Variants in SCN7A observed in about 807,000 individuals in gnomAD.
SCN7A encodes sodium voltage-gated channel alpha subunit 7.
A neutral mutation model predicts 155.2 loss-of-function variants in SCN7A; 138 were observed. That is an observed-to-expected ratio of 0.89 (90% CI 0.77 to 1.02). The LOEUF (loss-of-function observed/expected upper bound fraction) is 1.02, where lower values mean the gene tolerates loss of function less well. Ranked by LOEUF, SCN7A falls within the 50% of genes least tolerant of loss-of-function variation. The probability of loss-of-function intolerance (pLI) is 0.00; values close to 1 mark genes in which losing one functional copy is unlikely to be tolerated. For synonymous variants in SCN7A, 693 were observed against 649.0 expected, an observed-to-expected ratio of 1.07 and a Z score of -1.03; for missense variants, 2,058 against 1,986.6, an observed-to-expected ratio of 1.04 and a Z score of -0.68.
intron 19 of SCN7A, among the ~76,000 whole-genome samples, chr2:166,421,681 AAAT>A (rs1230324830): frequency 2.0e-5 from 3 of 152,168 alleles, no homozygotes; most frequent in East Asian, 1.9e-4. Flanking sequence ...CATTAAAACA[AAAT>A]AAGAAATATA....
Position 166,487,511 on chromosome 2 carries a change from G to T in SCN7A, c.-127-543C>A, listed in dbSNP as rs1032583963. ...GTGGAGAGAGATTCTCCACCTGTAG[G>T]AGATGACTGCCCAGGCCAGTCACAG... On this transcript the variant is annotated intron_variant, in intron 1 of 25. Coordinates refer to ENST00000643258, the MANE Select transcript of SCN7A (RefSeq NM_002976.4). 2.0e-5 allele frequency among the ~76,000 whole-genome samples: 3 copies of T among 152,244 alleles called. 1 individual carries two copies. The East Asian group carries it at 5.8e-4, about 29-fold the overall frequency.
intron 11 of SCN7A, among the ~76,000 whole-genome samples, chr2:166,455,682 C>T (rs1309560327): frequency 6.6e-6 from 1 of 151,956 alleles, no homozygotes; most frequent in Non-Finnish European, 1.5e-5. Flanking sequence ...CACATGTAGC[C>T]CCTGAATCTA....
chr2:166,431,215 C>T (rs1044374898), intron 16 of SCN7A, among the ~76,000 whole-genome samples: 4 of 151,968 alleles, frequency 2.6e-5, no homozygotes, highest in Non-Finnish European at 5.9e-5. Flanking sequence ...GAATTTATGC[C>T]TGTTTTATAG....
chr2:166,470,906 T>C (rs900642103), intron 6 of SCN7A, among the ~76,000 whole-genome samples, 200 bp from the exon 7 acceptor site: 2 of 151,736 alleles, frequency 1.3e-5, no homozygotes, highest in African/African-American at 2.4e-5. Context: ...AGGTAAATAT[T>C]AATCTATATT....
Position 166,412,666 on chromosome 2 carries a change from A to G in SCN7A, c.3470T>C (p.Val1157Ala). 1 of 1,489,744 alleles carries G rather than the reference A, an allele frequency of 6.7e-7. No individual in the cohort carries two copies. Among genetic ancestry groups the G allele is most frequent in the Non-Finnish European group, 8.9e-7 (1 of 1,126,832 alleles). 92.3% of individuals were successfully genotyped at this position (1,489,744 alleles called of 1,614,324 possible). ...IMNSAIDSVA[V>A]NIQPHFEVNI... The stretch of plus-strand genomic sequence containing the variant: ...GACTTCAAAATGAGGCTGTATATTA[A>G]CCTAGAAGTTTAAAATAAGCAAATT... The change falls in exon 23 of 26, where the codon GTT becomes GCT. Residue 1157 changes from valine (V) to alanine (A), a missense_variant and splice_region_variant. Coordinates refer to ENST00000643258, the MANE Select transcript of SCN7A (RefSeq NM_002976.4).
intron 10 of SCN7A, among the ~76,000 whole-genome samples, chr2:166,459,577 AG>A (rs1443254082): frequency 6.6e-6 from 1 of 152,204 alleles, no homozygotes; most frequent in Non-Finnish European, 1.5e-5. Context: ...CTCTTTGGGA[AG>A]AATTGCTAAA....
At chr2:166,437,839 G>T (rs904455325) in intron 15 of SCN7A, among the ~76,000 whole-genome samples, 8 of 152,092 alleles carry the variant, frequency 5.3e-5, no homozygotes, top group African/African-American at 1.9e-4. Context: ...CTCCCATTTG[G>T]AATGGGTGTG....
intron 2 of SCN7A, among the ~76,000 whole-genome samples, chr2:166,482,678 T>C (rs1702955813): frequency 6.6e-6 from 1 of 151,894 alleles, no homozygotes; most frequent in Non-Finnish European, 1.5e-5. Context: ...AGTGATAATT[T>C]TGATGTTGAA....
intron 12 of SCN7A, among the ~76,000 whole-genome samples, chr2:166,445,585 TTC>T (rs71031246): frequency 2.7e-5 from 4 of 148,336 alleles, no homozygotes; most frequent in East Asian, 3.9e-4. Context: ...GGAGCAAGCT[TTC>T]TCTCTCTCTC....
In SCN7A at chr2:166,458,991, T is replaced by C. The variant is rs898655244; in HGVS notation, c.1084-1915A>G. The stretch of plus-strand genomic sequence containing the variant: ...GAAAATTTATACAGAAGTATGTAGG[T>C]CATATGCAAATTCAATGCCATTTTA... On this transcript the variant is annotated intron_variant, in intron 10 of 25. Transcript: ENST00000643258. 2.0e-5 allele frequency among the ~76,000 whole-genome samples: 3 copies of C among 152,188 alleles called. No homozygotes were observed. The South Asian group carries it at 6.2e-4, about 31-fold the overall frequency.
Position 166,406,506 on chromosome 2 carries a change from G to A in SCN7A, c.4123C>T (p.Leu1375=), listed in dbSNP as rs777692885. 188 of 1,612,744 alleles carry A rather than the reference G, an allele frequency of 1.2e-4. 1 individual carries two copies. The South Asian group carries it at 1.3e-3, about 11-fold the overall frequency. ...VFHNLMLPLM[L]SLPALLNIIL... Reference sequence around the variant, plus strand: ...ATGTTCAATAATGCTGGGAGGGACAGCATCAAAGGAAGCATCAGATTATGA... The same window carrying A: ...ATGTTCAATAATGCTGGGAGGGACAACATCAAAGGAAGCATCAGATTATGA... The change falls in exon 26 of 26, where the codon CTG becomes TTG. Residue 1375 remains leucine, a synonymous_variant. Transcript: ENST00000643258.
intron 16 of SCN7A, among the ~76,000 whole-genome samples, chr2:166,430,294 G>C (rs887015726): frequency 1.3e-5 from 2 of 151,854 alleles, no homozygotes; most frequent in East Asian, 3.9e-4. Context: ...TCAGTTGTCA[G>C]TAAATCATTA....
chr2:166,460,248 G>A (rs994587462), intron 10 of SCN7A, among the ~76,000 whole-genome samples: 2 of 152,024 alleles, frequency 1.3e-5, no homozygotes, highest in Non-Finnish European at 2.9e-5. Context: ...TGAAACAAAC[G>A]CTAACAAGAA....
chr2:166,482,714 G>GATGA (rs1464754337), intron 2 of SCN7A, among the ~76,000 whole-genome samples: 1 of 146,986 alleles, frequency 6.8e-6, no homozygotes, highest in Admixed American at 6.7e-5. Context: ...TTGTTGACTA[G>GATGA]ATGAATGAAT....
At chr2:166,478,947 A>G (rs978042584) in intron 2 of SCN7A, among the ~76,000 whole-genome samples, 2 of 151,968 alleles carry the variant, frequency 1.3e-5, no homozygotes, top group Non-Finnish European at 2.9e-5. Flanking sequence ...GTTCCAGTCC[A>G]ATTCCTGTCA....
chr2:166,466,367 G>C (rs1702533957), intron 7 of SCN7A, among the ~76,000 whole-genome samples: 1 of 151,990 alleles, frequency 6.6e-6, no homozygotes, highest in Non-Finnish European at 1.5e-5. Flanking sequence ...AAAAGAAACA[G>C]TTTGAAACAG....
rs370714066 is a variant in SCN7A, at chr2:166,416,928, A to G, written c.3193T>C (p.Cys1065Arg). 1.3e-5 allele frequency: 21 copies of G among 1,611,794 alleles called. No individual in the cohort carries two copies. The highest frequency in any genetic ancestry group is 1.7e-5 in the Non-Finnish European group (20 of 1,178,780). Residue 1065 changes from cysteine to arginine, a missense_variant, in exon 21 of 26, where the codon TGC becomes CGC. Physicochemically the swap from Cys to Arg is radical, Grantham distance 180 (BLOSUM62 -3). Transcript: ENST00000643258. ...CTAAAAATCAGCCAGATCATCAGGC[A>G]GACAAGAAACACATTCAAAGTGGGT... ...TLPTLNVFLVCLMIWLIFSIM... is the reference protein window; with the variant it reads ...TLPTLNVFLVRLMIWLIFSIM...
chr2:166,488,674 G>T (rs1402196795), intron 1 of SCN7A, among the ~76,000 whole-genome samples: 2 of 148,500 alleles, frequency 1.3e-5, no homozygotes, highest in Admixed American at 6.8e-5. Context: ...GTCTCACTCT[G>T]TTGCCCAGGC....
intron 18 of SCN7A, 55 bp downstream of exon 18, chr2:166,427,733 A>T: frequency 1.0e-5 from 15 of 1,502,570 alleles, no homozygotes; most frequent in Non-Finnish European, 1.4e-5. Context: ...GAATTAACAG[A>T]ATCATGATAC....
Sources: gnomAD v4.1 joint callset for allele counts (sites outside exome capture counted in the v4.1 genomes callset) on GRCh38, gnomAD v4.1.1 for gene constraint, MANE v1.5 for transcripts, NCBI Gene and HGNC (gene_info 2026-07-23, HGNC 2026-07-21) for gene names.